FGF12: variants seen among roughly 807,000 people sequenced by gnomAD.
FGF12 encodes fibroblast growth factor 12B.
A neutral mutation model predicts 23.6 loss-of-function variants in FGF12; 14 were observed. That is an observed-to-expected ratio of 0.59 (90% confidence interval 0.39 to 0.93). The LOEUF (loss-of-function observed/expected upper bound fraction) is 0.93. FGF12 is among the 40% of genes least tolerant of loss of function. The probability of loss-of-function intolerance (pLI) is 0.00; values close to 1 mark genes in which losing one functional copy is unlikely to be tolerated. For missense variants in FGF12, 175 were observed against 217.8 expected, an observed-to-expected ratio of 0.80 and a Z score of 1.24; for synonymous variants, 62 against 77.3, an observed-to-expected ratio of 0.80 and a Z score of 1.04.
intron 2 of FGF12, among the ~76,000 whole-genome samples, chr3:192,397,597 A>T (rs1180421099): frequency 6.6e-6 from 1 of 152,178 alleles, no homozygotes; most frequent in Non-Finnish European, 1.5e-5. Context: ...AGAATTTGAG[A>T]TCCTCTATAT....
intron 5 of FGF12, among the ~76,000 whole-genome samples, chr3:192,156,941 T>G (rs1714459322): frequency 6.6e-6 from 1 of 152,262 alleles, no homozygotes; most frequent in Admixed American, 6.5e-5. Flanking sequence ...TTCTTCTTAA[T>G]GTTTCTTTCT....
intron 3 of FGF12, among the ~76,000 whole-genome samples, chr3:192,335,730 A>C (rs1717372305): frequency 6.6e-6 from 1 of 152,104 alleles, no homozygotes; most frequent in Non-Finnish European, 1.5e-5. Context: ...GCTGGATCTG[A>C]GATTTCAGGA....
At chr3:192,296,318 G>A (rs1335671792) in intron 4 of FGF12, among the ~76,000 whole-genome samples, 2 of 151,290 alleles carry the variant, frequency 1.3e-5, no homozygotes, top group African/African-American at 2.4e-5. Flanking sequence ...TGACCTCCCA[G>A]GCTCAAGTGG....
At chr3:192,688,353 C>T (rs1235516639) in intron 2 of FGF12, among the ~76,000 whole-genome samples, 1 of 152,114 alleles carries the variant, frequency 6.6e-6, no homozygotes, top group Non-Finnish European at 1.5e-5. Flanking sequence ...CCCTCTATAA[C>T]CACCCCCCAA....
chr3:192,319,262 A>G (rs1190571085), intron 4 of FGF12, among the ~76,000 whole-genome samples: 1 of 152,210 alleles, frequency 6.6e-6, no homozygotes, highest in East Asian at 1.9e-4. Flanking sequence ...TAAACTATTC[A>G]TATCCTGAAA....
intron 4 of FGF12, among the ~76,000 whole-genome samples, chr3:192,287,816 G>C (rs1251217148): frequency 6.6e-6 from 1 of 151,988 alleles, no homozygotes; most frequent in East Asian, 1.9e-4. Context: ...CTGGTGGAAA[G>C]GGATACATTA....
intron 4 of FGF12, among the ~76,000 whole-genome samples, chr3:192,195,708 C>T (rs539225942): frequency 6.6e-6 from 1 of 152,222 alleles, no homozygotes; most frequent in South Asian, 2.1e-4. Context: ...ACACATTTCA[C>T]AATGTGTGTG....
intron 4 of FGF12, among the ~76,000 whole-genome samples, chr3:192,213,881 G>A (rs1013921777): frequency 6.6e-5 from 10 of 152,180 alleles, no homozygotes; most frequent in South Asian, 2.1e-4. Flanking sequence ...TTCACTGACC[G>A]TTGTGGAAGC....
chr3:192,205,167 C>A (rs1436703393), intron 4 of FGF12, among the ~76,000 whole-genome samples: 1 of 152,160 alleles, frequency 6.6e-6, no homozygotes, highest in Non-Finnish European at 1.5e-5. Flanking sequence ...TTTAGAAAAT[C>A]TCTTAGTGTA....
At chr3:192,200,113 T>C (rs1283258401) in intron 4 of FGF12, among the ~76,000 whole-genome samples, 1 of 151,644 alleles carries the variant, frequency 6.6e-6, no homozygotes, top group Non-Finnish European at 1.5e-5. Flanking sequence ...GCTCAGGAGT[T>C]TGTGACCAGC....
intron 4 of FGF12, among the ~76,000 whole-genome samples, chr3:192,249,607 G>C (rs1175213452): frequency 6.6e-6 from 1 of 151,962 alleles, no homozygotes; most frequent in Non-Finnish European, 1.5e-5. Flanking sequence ...AGCTTTCGTT[G>C]CTAGGGAACA....
intron 2 of FGF12, among the ~76,000 whole-genome samples, chr3:192,402,198 A>G (rs1720791340): frequency 6.6e-6 from 1 of 152,222 alleles, no homozygotes; most frequent in Admixed American, 6.5e-5. Context: ...AAAACATCTG[A>G]AGCAATCATT....
intron 4 of FGF12, among the ~76,000 whole-genome samples, chr3:192,171,333 G>A (rs1216715090): frequency 6.6e-6 from 1 of 152,130 alleles, no homozygotes; most frequent in Non-Finnish European, 1.5e-5. Context: ...AGTCTCAGAA[G>A]AAACTGTAAG....
At chr3:192,386,885 G>A (rs1720061647) in intron 2 of FGF12, among the ~76,000 whole-genome samples, 2 of 152,192 alleles carry the variant, frequency 1.3e-5, no homozygotes. Flanking sequence ...CACTTACAAT[G>A]TTTCAGGTAC....
At chr3:192,508,993 A>G (rs1032204446) in intron 2 of FGF12, among the ~76,000 whole-genome samples, 1 of 152,142 alleles carries the variant, frequency 6.6e-6, no homozygotes, top group African/African-American at 2.4e-5. Flanking sequence ...CCTTTTGCTT[A>G]TAGGTATAGA....
intron 2 of FGF12, among the ~76,000 whole-genome samples, chr3:192,439,749 G>A (rs974484635): frequency 6.6e-6 from 1 of 152,086 alleles, no homozygotes; most frequent in African/African-American, 2.4e-5. Flanking sequence ...GGCCAAGGTG[G>A]GTGAATCACA....
rs1387031654 is a variant in FGF12, at chr3:192,170,333, T to C, written c.427+125A>G. Reference sequence around the variant, plus strand: ...GATACTATTGTGTTCTCTGAATATTTCTTTTGAATCTTTCTTCTGATCTGT... The same window carrying C: ...GATACTATTGTGTTCTCTGAATATTCCTTTTGAATCTTTCTTCTGATCTGT... On this transcript the variant is annotated intron_variant, in intron 5 of 5. Coordinates refer to ENST00000445105, the MANE Select transcript of FGF12 (RefSeq NM_004113.6). 5.5e-6 allele frequency: 4 copies of C among 729,310 alleles called. No homozygotes were observed. In the African/African-American group the frequency reaches 7.2e-5, roughly 13 times the overall value. The allele number at this position is 729,310 out of a possible 1,614,324, so 45.2% of individuals were successfully genotyped here. A position where few individuals can be genotyped will look rare whatever the true frequency, so the allele number is the denominator to read the frequency against.
chr3:192,589,069 G>T (rs1713512766), intron 2 of FGF12, among the ~76,000 whole-genome samples: 1 of 151,772 alleles, frequency 6.6e-6, no homozygotes, highest in Non-Finnish European at 1.5e-5. Context: ...AGGCGTGGTG[G>T]CTCACGCCTG....
chr3:192,443,879 G>C (rs952685430), intron 2 of FGF12, among the ~76,000 whole-genome samples: 1 of 152,090 alleles, frequency 6.6e-6, no homozygotes, highest in Non-Finnish European at 1.5e-5. Flanking sequence ...TAGCAGGTGG[G>C]GCAGGTAGCA....
Sources: allele counts gnomAD v4.1 joint callset (sites outside exome capture counted in the v4.1 genomes callset), GRCh38; gene constraint gnomAD v4.1.1; transcripts MANE v1.5; gene names NCBI Gene and HGNC (gene_info 2026-07-23, HGNC 2026-07-21).